The following ENPP1 variants were observed in gnomAD, a reference collection of about 807,000 sequenced individuals.
The protein encoded by ENPP1 is ectonucleotide pyrophosphatase/phosphodiesterase 1.
In ENPP1, 73 loss-of-function variants were observed where a neutral mutation model predicts 122.8. The ratio of observed to expected loss-of-function variants is 0.59; its 90% CI spans 0.49 to 0.72. The LOEUF is 0.72. Ranked by LOEUF, ENPP1 falls within the 30% of genes least tolerant of loss-of-function variation. ENPP1 has a pLI of 0.00. For missense variants in ENPP1, 978 were observed against 1,128.1 expected (o/e 0.87, Z 1.91); for synonymous variants, 367 against 391.6 (o/e 0.94, Z 0.74).
At chr6:131,877,974 G>T (rs2114721634) in intron 18 of ENPP1, 1 of 147,928 alleles carries the variant, frequency 6.8e-6, no homozygotes. Context: ...AAAGACTGTT[G>T]GGGTATATAG....
Position 131,864,887 on chromosome 6 carries a change from T to C in ENPP1, c.1113T>C (p.Tyr371=). The C allele has an allele frequency of 6.2e-7, 1 of 1,604,596 alleles. No homozygotes were observed. The highest frequency in any genetic ancestry group is 8.5e-7 in the Non-Finnish European group (1 of 1,171,456). The change falls in exon 11 of 25, where the codon TAT becomes TAC. Residue 371 remains tyrosine, a synonymous_variant. Coordinates refer to ENST00000647893, the MANE Select transcript of ENPP1 (RefSeq NM_006208.3). ...TTAGACCACACTTTTACACTCTGTA[T>C]TTAGAAGAACCAGATTCTTCAGGTC... ...KDERPHFYTL[Y]LEEPDSSGHS...
intron 17 of ENPP1, among the ~76,000 whole-genome samples, chr6:131,876,361 T>C (rs1782230621): frequency 6.6e-6 from 1 of 152,228 alleles, no homozygotes; most frequent in Admixed American, 6.5e-5. Flanking sequence ...CATTGTGTGT[T>C]TTAAATATTA....
intron 1 of ENPP1, among the ~76,000 whole-genome samples, chr6:131,808,724 CTT>C (rs1334963197): frequency 6.6e-6 from 1 of 152,186 alleles, no homozygotes; most frequent in African/African-American, 2.4e-5. Context: ...TAGCGGAGCT[CTT>C]TAAGTTTTAT....
intron 7 of ENPP1, 56 bp downstream of exon 7, chr6:131,858,803 A>T: frequency 8.3e-7 from 1 of 1,210,226 alleles, no homozygotes; most frequent in South Asian, 1.2e-5. Flanking sequence ...GGATTGTAAC[A>T]TTTTTTGAGG....
Position 131,808,027 on chromosome 6 carries a change from G to C in ENPP1, c.-9G>C. 1.0e-6 allele frequency: 1 copy of C among 979,808 alleles called. No homozygotes were observed. The highest frequency in any genetic ancestry group is 4.6e-5 in the South Asian group (1 of 21,926). The allele number at this position is 979,808 out of a possible 1,614,324, so 60.7% of individuals were successfully genotyped here. On this transcript the variant is annotated 5_prime_UTR_variant, in exon 1 of 25. Transcript: ENST00000647893. ...GCCGGGCAGCGGGGCCGGAGCGGCC[G>C]GGGCCACGATGGAGCGCGACGGCTG...
chr6:131,884,871 TCA>T, intron 22 of ENPP1, 58 bp from the exon 23 acceptor site: 1 of 1,576,898 alleles, frequency 6.3e-7, no homozygotes, highest in Non-Finnish European at 8.7e-7. Flanking sequence ...TTAATTTATT[TCA>T]CACGTCAACA....
intron 20 of ENPP1, 58 bp from the exon 21 acceptor site, chr6:131,882,287 A>G: frequency 6.1e-6 from 9 of 1,482,622 alleles, no homozygotes; most frequent in Non-Finnish European, 4.7e-6. Context: ...AATATTAATA[A>G]AGCAATTTTC....
chr6:131,850,240 C>A, intron 3 of ENPP1, 134 bp downstream of exon 3: 1 of 705,472 alleles, frequency 1.4e-6, no homozygotes, highest in Non-Finnish European at 2.6e-6. Context: ...CACGTTTTGA[C>A]ATTAGCTTTT....
chr6:131,882,257 TATG>T, intron 20 of ENPP1, 85 bp from the exon 21 acceptor site: 1 of 1,106,054 alleles, frequency 9.0e-7, no homozygotes, highest in South Asian at 1.3e-5. Context: ...TTCATAATTT[TATG>T]ATGTAGTTCA....
intron 1 of ENPP1, among the ~76,000 whole-genome samples, chr6:131,842,569 A>T (rs949838295): frequency 2.6e-5 from 4 of 151,944 alleles, no homozygotes; most frequent in Non-Finnish European, 5.9e-5. Flanking sequence ...ACAGAGGGAG[A>T]GGTCCCTTTT....
rs150265845 is a variant in ENPP1 at position 131,855,871 on chromosome 6, G to A, written c.715+848G>A. 2.1e-3 allele frequency among the ~76,000 whole-genome samples: 318 copies of A among 150,674 alleles called. 8 individuals are homozygous for A. In the South Asian group the frequency reaches 0.03, roughly 14 times the overall value. ...TATTGATGCCAAAGTTTTAAATCACGTTAACAACCTTTAAGCAGCTACAAT... is the reference window on the plus strand; with the variant it reads ...TATTGATGCCAAAGTTTTAAATCACATTAACAACCTTTAAGCAGCTACAAT... On this transcript the variant is annotated intron_variant, in intron 6 of 24. Transcript: ENST00000647893.
intron 15 of ENPP1, 128 bp downstream of exon 15, chr6:131,873,178 A>G (rs1782185039): frequency 1.8e-6 from 2 of 1,101,002 alleles, no homozygotes; most frequent in Admixed American, 1.7e-5. Flanking sequence ...ACTCTAACCC[A>G]GGATTTCTAA....
Position 131,808,948 on chromosome 6 carries a change from C to T in ENPP1, c.240+673C>T, listed in dbSNP as rs116706633. ...TTTGCTATGACATTTGCAGGACCCA[C>T]AGTCAACTTCATGAAATGTGGGGGT... On this transcript the variant is annotated intron_variant, in intron 1 of 24. Transcript: ENST00000647893. 6.9e-3 allele frequency among the ~76,000 whole-genome samples: 1,054 copies of T among 152,318 alleles called. 15 individuals are homozygous for T. Among genetic ancestry groups the T allele is most frequent in the African/African-American group, 0.024 (992 of 41,562 alleles).
intron 1 of ENPP1, among the ~76,000 whole-genome samples, chr6:131,817,570 A>G (rs530636508): frequency 6.6e-6 from 1 of 152,204 alleles, no homozygotes; most frequent in South Asian, 2.1e-4. Flanking sequence ...GAATAGAAAA[A>G]TAGAGAGTTT....
rs533715587 is a variant in ENPP1 at position 131,826,058 on chromosome 6, T to C, written c.240+17783T>C. 6 of 768,588 alleles carry C rather than the reference T, an allele frequency of 7.8e-6. No individual in the cohort carries two copies. In the African/African-American group the frequency reaches 1.0e-4, roughly 13 times the overall value. 47.6% of individuals were successfully genotyped at this position (768,588 alleles called of 1,614,324 possible). ...GTATTGAGCAAATTCTCTTCAACAA[T>C]CAGACAGCTCTGCTTTAGGGACTGA... On this transcript the variant is annotated intron_variant, in intron 1 of 24. Transcript: ENST00000647893.
chr6:131,890,721 G>T lies in ENPP1; in HGVS notation c.*210G>T, dbSNP rs1046808416. ...ATCTTGCACATATTTGAATGTGTAA[G>T]CATTGTATACATTGATCAAGTTCGG... On this transcript the variant is annotated 3_prime_UTR_variant, in exon 25 of 25. Coordinates refer to ENST00000647893, the MANE Select transcript of ENPP1 (RefSeq NM_006208.3). The T allele has an allele frequency of 1.7e-6, 1 of 591,746 alleles. No individual in the cohort carries two copies. Among genetic ancestry groups the T allele is most frequent in the East Asian group, 2.9e-5 (1 of 34,826 alleles). 36.7% of individuals were successfully genotyped at this position (591,746 alleles called of 1,614,324 possible). A position where few individuals can be genotyped will look rare whatever the true frequency, so the allele number is the denominator to read the frequency against.
intron 21 of ENPP1, 52 bp from the exon 22 acceptor site, chr6:131,883,642 T>G (rs1782340851): frequency 1.1e-6 from 1 of 910,330 alleles, no homozygotes; most frequent in African/African-American, 1.6e-5. Flanking sequence ...AAACTATAAT[T>G]TCCTATGTTA....
chr6:131,853,898 G>A (rs181413573), intron 5 of ENPP1, among the ~76,000 whole-genome samples: 1 of 152,232 alleles, frequency 6.6e-6, no homozygotes, highest in Admixed American at 6.5e-5. Context: ...CGTTTGTCAA[G>A]TATATTAGCA....
At chr6:131,886,784 T>A in intron 24 of ENPP1, 60 bp downstream of exon 24, 2 of 1,433,522 alleles carry the variant, frequency 1.4e-6, no homozygotes, top group Non-Finnish European at 2.0e-6. Flanking sequence ...GCATATTTGT[T>A]TATGTCACCC....
Sources: allele counts gnomAD v4.1 joint callset (sites outside exome capture counted in the v4.1 genomes callset), GRCh38; gene constraint gnomAD v4.1.1; transcripts MANE v1.5; gene names NCBI Gene and HGNC (gene_info 2026-07-23, HGNC 2026-07-21).